HELZ2: variants seen among roughly 807,000 people sequenced by gnomAD.
The protein encoded by HELZ2 is 3'-5' exoribonuclease HELZ2.
In HELZ2, 143 loss-of-function variants were observed where a neutral mutation model predicts 208.8. That is an observed-to-expected ratio of 0.68 (90% confidence interval 0.60 to 0.79). The LOEUF is 0.79. Ranked by LOEUF, HELZ2 falls within the 30% of genes least tolerant of loss-of-function variation. The pLI is 0.00. For missense variants in HELZ2, 3,690 were observed against 3,794.5 expected (o/e 0.97, Z 0.72); for synonymous variants, 1,705 against 1,693.7 (o/e 1.01, Z -0.16).
exon 15 of HELZ2, chr20:63,560,818 T>A: frequency 6.2e-7 from 1 of 1,612,790 alleles, no homozygotes; most frequent in Non-Finnish European, 8.5e-7. Flanking sequence ...GTGTCCAGCA[T>A]ATGTGCGTCC....
intron 3 of HELZ2, 88 bp downstream of exon 4, chr20:63,570,416 C>G: frequency 4.6e-6 from 5 of 1,078,714 alleles, no homozygotes; most frequent in Non-Finnish European, 7.0e-6. Flanking sequence ...GTATTAGCTC[C>G]ATGACCCAGG....
upstream of HELZ2, chr20:63,572,775 C>G (rs773863817): frequency 2.0e-5 from 4 of 203,492 alleles, no homozygotes; most frequent in Non-Finnish European, 3.0e-5. Flanking sequence ...AAGGTCCAGA[C>G]CAGGGCCTCC....
At chr20:63,568,513 G>C in exon 5 of HELZ2, 1 of 1,583,700 alleles carries the variant, frequency 6.3e-7, no homozygotes, top group Non-Finnish European at 8.6e-7. Context: ...AGCCCGCGAT[G>C]AGCGCCACGG....
In HELZ2 at chr20:63,561,666, CG is replaced by C. The variant is rs1569028852; in HGVS notation, c.6770del (p.Pro2257ArgfsTer98). ...TGAGCAGCTTCCTGCTGCCCACACG[CG>C]GCACTGGGAACTCGCTGGCCTCAGC... On this transcript the variant is annotated frameshift_variant, in exon 12 of 19. Coordinates refer to ENST00000467148, the Ensembl canonical transcript of HELZ2. LOFTEE classifies it high-confidence loss of function. 24 of 1,612,156 alleles carry C rather than the reference CG, an allele frequency of 1.5e-5. No individual in the cohort carries two copies. Among genetic ancestry groups the C allele is most frequent in the Non-Finnish European group, 1.9e-5 (23 of 1,179,734 alleles).
chr20:63,566,241 G>A lies in HELZ2; in HGVS notation c.2591-10C>T. 1 of 1,485,404 alleles carries A rather than the reference G, an allele frequency of 6.7e-7. No homozygotes were observed. The highest frequency in any genetic ancestry group is 9.0e-7 in the Non-Finnish European group (1 of 1,114,134). The allele number at this position is 1,485,404 out of a possible 1,614,324, so 92.0% of individuals were successfully genotyped here. ...ACCCGGAACTGCCGCCCTGCAGGGG[G>A]CACGCAGTCAGGTCAGGCTGGGTGC... is the stretch of plus-strand genomic sequence containing the variant. On this transcript the variant is annotated splice_polypyrimidine_tract_variant and intron_variant, in intron 7 of 18. Coordinates refer to ENST00000467148, the Ensembl canonical transcript of HELZ2.
chr20:63,565,433 C>A (rs760395375), exon 8 of HELZ2: 1 of 1,610,252 alleles, frequency 6.2e-7, no homozygotes, highest in Non-Finnish European at 8.5e-7. Flanking sequence ...AGAGCAGTGG[C>A]GGTACCGCTC....
exon 6 of HELZ2, chr20:63,567,487 G>C (rs1360116353): frequency 6.4e-7 from 1 of 1,556,262 alleles, no homozygotes; most frequent in African/African-American, 1.4e-5. Flanking sequence ...GCGGTCGTCG[G>C]TCAGGCAACA....
At chr20:63,569,497 C>A (rs1234623408) in exon 4 of HELZ2, 1 of 1,611,542 alleles carries the variant, frequency 6.2e-7, no homozygotes, top group Non-Finnish European at 8.5e-7. Context: ...TCAAAGGTGC[C>A]GAACGAGGCA....
chr20:63,571,974 C>T (rs1446608277), intron 1 of HELZ2, 134 bp downstream of exon 2: 27 of 1,026,156 alleles, frequency 2.6e-5, no homozygotes, highest in Non-Finnish European at 3.5e-5. Flanking sequence ...GGCTCCTGCC[C>T]TACTCCAAGC....
At chr20:63,561,241 G>T in exon 14 of HELZ2, 1 of 1,612,700 alleles carries the variant, frequency 6.2e-7, no homozygotes, top group Non-Finnish European at 8.5e-7. Flanking sequence ...GGTCCAGCTC[G>T]AACTTCCGAG....
exon 8 of HELZ2, chr20:63,565,085 C>T (rs761468053): frequency 3.8e-6 from 6 of 1,561,854 alleles, no homozygotes; most frequent in African/African-American, 2.7e-5. Flanking sequence ...ACGCTGCAGC[C>T]GGCCCTTCCG....
At chr20:63,566,767 C>T in intron 6 of HELZ2, 77 bp downstream of exon 7, 17 of 1,366,026 alleles carry the variant, frequency 1.2e-5, no homozygotes, top group Non-Finnish European at 1.7e-5. Context: ...GAGGCGGGGG[C>T]TCGTCCATCA....
At chr20:63,567,532 G>A (rs372905351) in exon 6 of HELZ2, 48 of 1,566,904 alleles carry the variant, frequency 3.1e-5, no homozygotes, top group Middle Eastern at 1.7e-4. Flanking sequence ...CTGGCTCAGC[G>A]GCCGGTCCGT....
Position 63,561,929 on chromosome 20 carries a change from G to A in HELZ2, c.6585C>T (p.Asn2195=), listed in dbSNP as rs137909148. ...GGCCTCCGGGCTGCACCTGCTCCTG[G>A]TTTGATTTATGAAACCAGAATACGA... The change falls in exon 11 of 19, where the codon AAC becomes AAT. Residue 2195 remains asparagine, a synonymous_variant. Coordinates refer to ENST00000467148, the Ensembl canonical transcript of HELZ2. The A allele has an allele frequency of 5.0e-6, 8 of 1,600,266 alleles. No individual in the cohort carries two copies. The African/African-American group carries it at 8.0e-5, about 16-fold the overall frequency.
At chr20:63,572,445 G>A (rs2083024970) in exon 1 of HELZ2, 9 of 1,434,822 alleles carry the variant, frequency 6.3e-6, no homozygotes, top group African/African-American at 1.4e-5. Context: ...GGCTGCCCAC[G>A]CCCCACAAAC....
In HELZ2 at chr20:63,564,749, C is replaced by CT; in HGVS notation, c.4072dup (p.Ser1358LysfsTer17). 1 of 1,611,910 alleles carries CT rather than the reference C, an allele frequency of 6.2e-7. No individual in the cohort carries two copies. ...GCACCTGGGACCCAGGTCTCGGACA[C>CT]TGAGGGCATCATCGAGGTTGCAGGC... On this transcript the variant is annotated frameshift_variant, in exon 8 of 19. Coordinates refer to ENST00000467148, the Ensembl canonical transcript of HELZ2. LOFTEE classifies it high-confidence loss of function.
intron 5 of HELZ2, 62 bp from the exon 7 acceptor site, chr20:63,567,689 C>T (rs1288733319): frequency 1.3e-6 from 2 of 1,532,452 alleles, no homozygotes; most frequent in East Asian, 2.4e-5. Flanking sequence ...TCCGCTAAAG[C>T]ACCTACTGTG....
chr20:63,560,585 C>A (rs2082875246), exon 16 of HELZ2: 2 of 1,612,524 alleles, frequency 1.2e-6, no homozygotes, highest in African/African-American at 2.7e-5. Flanking sequence ...GATGACAGGG[C>A]AGCTCTCCTT....
rs1489802503 is a variant in HELZ2 at position 63,569,673 on chromosome 20, G to A, written c.571-8C>T. On this transcript the variant is annotated splice_region_variant and splice_polypyrimidine_tract_variant and intron_variant, in intron 3 of 18. Transcript: ENST00000467148. ...CACGTGTAGCAGGGGCTCCTGGAGAGGAGGCCAGACGGTGAGGGGGGCCCA... is the reference window on the plus strand; with the variant it reads ...CACGTGTAGCAGGGGCTCCTGGAGAAGAGGCCAGACGGTGAGGGGGGCCCA... 2 of 1,515,862 alleles carry A rather than the reference G, an allele frequency of 1.3e-6. No homozygotes were observed. Among genetic ancestry groups the A allele is most frequent in the East Asian group, 2.5e-5 (1 of 40,490 alleles). 93.9% of individuals were successfully genotyped at this position (1,515,862 alleles called of 1,614,324 possible).
Sources: gnomAD v4.1 joint callset for allele counts on GRCh38, gnomAD v4.1.1 for gene constraint, MANE v1.5 for transcripts, NCBI Gene and HGNC (gene_info 2026-07-23, HGNC 2026-07-21) for gene names.